HADHA: variants seen among roughly 807,000 people sequenced by gnomAD.
HADHA encodes the protein trifunctional enzyme subunit alpha, mitochondrial.
Under a neutral mutation model 91.3 loss-of-function variants are expected in HADHA, and 59 were observed. That is an observed-to-expected ratio of 0.65 (90% confidence interval 0.52 to 0.80). The LOEUF (loss-of-function observed/expected upper bound fraction) is 0.80. Among genes scored for constraint, HADHA ranks in the 30% least tolerant of loss-of-function variants. The pLI is 0.00. For synonymous variants in HADHA, 320 were observed against 338.9 expected (o/e 0.94, Z 0.61); for missense variants, 800 against 927.6 (o/e 0.86, Z 1.79).
chr2:26,228,911 C>A (rs1364650040), intron 7 of HADHA, among the ~76,000 whole-genome samples: 1 of 152,096 alleles, frequency 6.6e-6, no homozygotes, highest in Non-Finnish European at 1.5e-5. Context: ...AATTCCAGGC[C>A]TCAAGCAATT....
chr2:26,196,452 A>C (rs1236055266), intron 14 of HADHA, among the ~76,000 whole-genome samples: 1 of 152,206 alleles, frequency 6.6e-6, no homozygotes, highest in Non-Finnish European at 1.5e-5. Context: ...CACATCAATG[A>C]GTTTTGACAA....
intron 1 of HADHA, among the ~76,000 whole-genome samples, chr2:26,244,071 G>T (rs1327089541): frequency 6.6e-6 from 1 of 152,284 alleles, no homozygotes; most frequent in Non-Finnish European, 1.5e-5. Context: ...GAGGGGCAGT[G>T]ATCTGCAAGG....
chr2:26,232,106 A>C, intron 6 of HADHA, 54 bp downstream of exon 6: 1 of 1,388,908 alleles, frequency 7.2e-7, no homozygotes. Flanking sequence ...ATTTTATACA[A>C]GAAAACAGAT....
At chr2:26,199,883 G>A (rs1364057381) in intron 13 of HADHA, among the ~76,000 whole-genome samples, 3 of 152,168 alleles carry the variant, frequency 2.0e-5, no homozygotes, top group Non-Finnish European at 2.9e-5. Context: ...TGCCCCAACC[G>A]AGCTTCCTGC....
intron 15 of HADHA, 65 bp from the exon 16 acceptor site, chr2:26,194,703 C>T: frequency 2.9e-6 from 3 of 1,018,208 alleles, no homozygotes; most frequent in South Asian, 1.3e-5. Flanking sequence ...AACACTCTAC[C>T]TTTCCCAGGG....
intron 10 of HADHA, 31 bp from the exon 11 acceptor site, chr2:26,209,920 G>A: frequency 9.3e-7 from 1 of 1,080,218 alleles, no homozygotes; most frequent in Non-Finnish European, 1.4e-6. Context: ...AGAAAAGGTA[G>A]AACTTCACAG....
Position 26,234,622 on chromosome 2 carries a change from T to G in HADHA, c.315-267A>C, listed in dbSNP as rs567541829. ...TCTACTAAAAATACAAAAAATTAGC[T>G]GGGCATAGTGGCGGGCGCCTGTAGT... On this transcript the variant is annotated intron_variant, in intron 4 of 19. Transcript: ENST00000380649. 1.1e-3 allele frequency among the ~76,000 whole-genome samples: 169 copies of G among 152,148 alleles called. 1 individual carries two copies. The highest frequency in any genetic ancestry group is 3.9e-3 in the African/African-American group (162 of 41,508).
At chr2:26,206,388 C>A (rs981853886) in intron 11 of HADHA, among the ~76,000 whole-genome samples, 3 of 151,914 alleles carry the variant, frequency 2.0e-5, no homozygotes, top group African/African-American at 7.3e-5. Context: ...ACCACCACAC[C>A]CAGCTAATTT....
In HADHA at chr2:26,204,048, G is replaced by T; in HGVS notation, c.1220+14C>A. ...GGACATTCTAACTCTTGCAAAGAGA[G>T]AGAGCAGGCTTACCCTTTGAACACT... is the stretch of plus-strand genomic sequence containing the variant. On this transcript the variant is annotated intron_variant, in intron 12 of 19. Transcript: ENST00000380649. The T allele has an allele frequency of 6.2e-7, 1 of 1,612,792 alleles. No homozygotes were observed. Among genetic ancestry groups the T allele is most frequent in the South Asian group, 1.1e-5 (1 of 91,070 alleles).
chr2:26,204,924 G>A (rs971639270), intron 11 of HADHA, among the ~76,000 whole-genome samples: 11 of 151,958 alleles, frequency 7.2e-5, no homozygotes, highest in Non-Finnish European at 1.6e-4. Flanking sequence ...ATCACTCCTC[G>A]TCTGGATGAA....
chr2:26,193,824 CCAAA>C (rs758983774), intron 16 of HADHA, 52 bp from the exon 17 acceptor site: 1 of 1,409,032 alleles, frequency 7.1e-7, no homozygotes, highest in South Asian at 1.2e-5. Context: ...CCAAATCCCC[CCAAA>C]GGGCTCCCTG....
Position 26,232,246 on chromosome 2 carries a change from T to C in HADHA, c.487A>G (p.Lys163Glu), listed in dbSNP as rs1296790203. 1 of 1,602,500 alleles carries C rather than the reference T, an allele frequency of 6.2e-7. No individual in the cohort carries two copies. Among genetic ancestry groups the C allele is most frequent in the Non-Finnish European group, 8.6e-7 (1 of 1,169,470 alleles). ...GTACCTAATACTGTTTTTCTGTCTT[T>C]TGTTGCTATTCTGTATTGGCATGAA... The part of the protein sequence containing the change: ...AISCQYRIAT[K>E]DRKTVLGTPE... Residue 163 changes from lysine to glutamate, a missense_variant, in exon 6 of 20, where the codon AAA becomes GAA. Transcript: ENST00000380649.
chr2:26,243,666 A>C (rs970232737), intron 1 of HADHA, among the ~76,000 whole-genome samples: 2 of 152,198 alleles, frequency 1.3e-5, no homozygotes, highest in Admixed American at 1.3e-4. Context: ...TTAAAAGTTA[A>C]AATTTCTAGT....
At chr2:26,209,732 T>G (rs779337335) in intron 11 of HADHA, 48 bp downstream of exon 11, 2 of 906,528 alleles carry the variant, frequency 2.2e-6, no homozygotes, top group Non-Finnish European at 3.7e-6. Flanking sequence ...CTGTGAACTT[T>G]GCACACAGTA....
intron 5 of HADHA, among the ~76,000 whole-genome samples, chr2:26,232,990 T>C (rs1201308681): frequency 6.6e-6 from 1 of 152,082 alleles, no homozygotes; most frequent in Non-Finnish European, 1.5e-5. Flanking sequence ...GGGAGTGGTT[T>C]CAGGATGAAA....
In HADHA at chr2:26,232,177, G is replaced by A. The variant is rs2147781182; in HGVS notation, c.556C>T (p.Gln186Ter). The change falls in exon 6 of 20, where the codon CAA becomes TAA. Residue 186 changes from glutamine (Q) to a stop codon, truncating the protein, a stop_gained. Transcript: ENST00000380649. LOFTEE classifies it high-confidence loss of function. ...LGALPGAGGT[Q>*]RLPKMVGVPA... ...AGACTCACCATTTTGGGCAGCCTTT[G>A]TGTGCCTCCTGCTCCTGGTAAGGCC... 5.0e-6 allele frequency: 8 copies of A among 1,611,116 alleles called. No individual in the cohort carries two copies. The highest frequency in any genetic ancestry group is 6.8e-6 in the Non-Finnish European group (8 of 1,177,312).
At chr2:26,198,261 T>C (rs972015133) in intron 13 of HADHA, among the ~76,000 whole-genome samples, 1 of 152,190 alleles carries the variant, frequency 6.6e-6, no homozygotes, top group Non-Finnish European at 1.5e-5. Context: ...ACCACTATAG[T>C]TGCAGCTACA....
chr2:26,215,172 G>C lies in HADHA; in HGVS notation c.680C>G (p.Pro227Arg). The C allele has an allele frequency of 6.2e-7, 1 of 1,612,782 alleles. No individual in the cohort carries two copies. Among genetic ancestry groups the C allele is most frequent in the Non-Finnish European group, 8.5e-7 (1 of 1,178,984 alleles). ...LVDQLVEPLGPGLKPPEERTI... is the reference protein window; with the variant it reads ...LVDQLVEPLGRGLKPPEERTI... ...CCGTTCCTCTGGAGGTTTTAGTCCT[G>C]GTCCTATAAAAATGAATGCAACACT... Residue 227 changes from proline to arginine, a missense_variant, in exon 8 of 20, where the codon CCA becomes CGA. Physicochemically the swap from Pro to Arg is moderately radical, Grantham distance 103. Transcript: ENST00000380649.
intron 7 of HADHA, among the ~76,000 whole-genome samples, chr2:26,226,261 T>C (rs949998131): frequency 2.0e-5 from 3 of 152,228 alleles, no homozygotes; most frequent in East Asian, 1.9e-4. Flanking sequence ...CAAATTTATA[T>C]ACTGACTCAA....
Sources: allele counts gnomAD v4.1 joint callset (sites outside exome capture counted in the v4.1 genomes callset), GRCh38; gene constraint gnomAD v4.1.1; transcripts MANE v1.5; gene names NCBI Gene and HGNC (gene_info 2026-07-23, HGNC 2026-07-21).